RBM33: variants seen among roughly 807,000 people sequenced by gnomAD.
The protein encoded by RBM33 is RNA binding motif protein 33.
A neutral mutation model predicts 132.6 loss-of-function variants in RBM33; 28 were observed. The ratio of observed to expected loss-of-function variants is 0.21; its 90% CI spans 0.16 to 0.29. The LOEUF (loss-of-function observed/expected upper bound fraction) is 0.29. Ranked by LOEUF, RBM33 falls within the 10% of genes least tolerant of loss-of-function variation. The probability of loss-of-function intolerance (pLI) is 1.00; values close to 1 mark genes in which losing one functional copy is unlikely to be tolerated. For synonymous variants in RBM33, 634 were observed against 593.0 expected (o/e 1.07, Z -1.01); for missense variants, 1,291 against 1,518.5 (o/e 0.85, Z 2.49).
chr7:155,772,588 C>G (rs1021984017), intron 16 of RBM33, among the ~76,000 whole-genome samples: 2 of 152,208 alleles, frequency 1.3e-5, no homozygotes, highest in African/African-American at 4.8e-5. Context: ...TGGGGCTTTA[C>G]TTTTCCTGTT....
intron 14 of RBM33, among the ~76,000 whole-genome samples, chr7:155,747,072 GA>G (rs1161730444): frequency 6.6e-6 from 1 of 152,140 alleles, no homozygotes; most frequent in Non-Finnish European, 1.5e-5. Flanking sequence ...TGTGCTATAA[GA>G]AAATCTTTAT....
intron 1 of RBM33, chr7:155,645,323 G>C: frequency 5.6e-6 from 1 of 177,992 alleles, no homozygotes; most frequent in Non-Finnish European, 1.2e-5. Flanking sequence ...TAAGATTGTG[G>C]GGCCATCCTG....
At chr7:155,741,660 G>C (rs532871895) in intron 12 of RBM33, among the ~76,000 whole-genome samples, 159 bp from the exon 13 acceptor site, 12 of 152,254 alleles carry the variant, frequency 7.9e-5, no homozygotes, top group African/African-American at 2.9e-4. Flanking sequence ...TGACATTTAT[G>C]TATGAGAAAA....
intron 16 of RBM33, among the ~76,000 whole-genome samples, chr7:155,767,497 G>C (rs988368259): frequency 1.3e-5 from 2 of 152,196 alleles, no homozygotes; most frequent in African/African-American, 4.8e-5. Context: ...TAGCTTCATG[G>C]GTGGATTTGG....
chr7:155,768,870 C>T (rs71536010), intron 16 of RBM33, among the ~76,000 whole-genome samples: 15,318 of 152,238 alleles, frequency 0.1, 939 homozygotes, highest in East Asian at 0.28. Context: ...GCCTCAGCCT[C>T]CCAAAGTGCT....
intron 9 of RBM33, among the ~76,000 whole-genome samples, chr7:155,730,484 A>G (rs1260679665): frequency 6.6e-6 from 1 of 152,186 alleles, no homozygotes; most frequent in African/African-American, 2.4e-5. Context: ...TGTCCTAAGG[A>G]CTTTCCTGCC....
At chr7:155,704,843 C>T (rs1044442911) in intron 6 of RBM33, among the ~76,000 whole-genome samples, 11 of 151,966 alleles carry the variant, frequency 7.2e-5, no homozygotes, top group Non-Finnish European at 1.0e-4. Context: ...AGAGATTTCT[C>T]GGTAGTAACA....
At chr7:155,728,195 G>A (rs1800847733) in intron 9 of RBM33, among the ~76,000 whole-genome samples, 1 of 152,104 alleles carries the variant, frequency 6.6e-6, no homozygotes, top group Non-Finnish European at 1.5e-5. Flanking sequence ...GCGGGCATTT[G>A]TCATTTTGGA....
At chr7:155,691,536 A>G (rs1799641401) in intron 5 of RBM33, among the ~76,000 whole-genome samples, 1 of 151,938 alleles carries the variant, frequency 6.6e-6, no homozygotes, top group South Asian at 2.1e-4. Context: ...CTTCCCTGAT[A>G]CTCTATAATA....
chr7:155,669,984 C>T (rs750818364), intron 2 of RBM33, among the ~76,000 whole-genome samples: 3 of 152,128 alleles, frequency 2.0e-5, no homozygotes, highest in African/African-American at 4.8e-5. Flanking sequence ...GCAGGTAAGA[C>T]GGAGAGTGGA....
intron 14 of RBM33, among the ~76,000 whole-genome samples, chr7:155,755,067 A>G (rs987062944): frequency 6.6e-6 from 1 of 152,188 alleles, no homozygotes; most frequent in Non-Finnish European, 1.5e-5. Flanking sequence ...CCCTAAATGT[A>G]TTTATATTTA....
chr7:155,701,185 T>G lies in RBM33; in HGVS notation c.739+241T>G, dbSNP rs1353948600. The G allele has an allele frequency of 5.5e-6, 3 of 549,078 alleles. No individual in the cohort carries two copies. The East Asian group carries it at 8.8e-5, about 16-fold the overall frequency. The allele number at this position is 549,078 out of a possible 1,614,324, so 34.0% of individuals were successfully genotyped here. On this transcript the variant is annotated intron_variant, in intron 6 of 17. Transcript: ENST00000401878. ...AATGTTTAAGATAATTAAAAAAAAT[T>G]TTTTTTTGAGTCTGTGGCCTACAGC... is the stretch of plus-strand genomic sequence containing the variant.
chr7:155,745,326 G>A lies in RBM33; in HGVS notation c.2703G>A (p.Gln901=). ...TTGTACCATCCAGTGCCAACATGCA[G>A]TATCAAGGACAACAGATGAAAGCAC... The part of the protein sequence containing the change: ...SNFVPSSANM[Q]YQGQQMKALK... The change falls in exon 14 of 18, where the codon CAG becomes CAA. Residue 901 remains glutamine, a synonymous_variant. Transcript: ENST00000401878. This position sits in a 1 kb window ranked among gnomAD's most constrained non-coding sequence, Gnocchi z 4.1. The A allele has an allele frequency of 6.2e-7, 1 of 1,613,216 alleles. No individual in the cohort carries two copies. The highest frequency in any genetic ancestry group is 8.5e-7 in the Non-Finnish European group (1 of 1,179,502).
At chr7:155,736,350 A>G (rs1025840093) in intron 9 of RBM33, among the ~76,000 whole-genome samples, 1 of 152,268 alleles carries the variant, frequency 6.6e-6, no homozygotes, top group Non-Finnish European at 1.5e-5. Flanking sequence ...ACTCAGTTTC[A>G]AAGAACAAGG....
chr7:155,740,487 T>G (rs1801296286), intron 12 of RBM33, among the ~76,000 whole-genome samples: 1 of 152,250 alleles, frequency 6.6e-6, no homozygotes. Flanking sequence ...ACTCTAGTCC[T>G]GGAAATACAG....
chr7:155,730,542 G>A lies in RBM33; in HGVS notation c.1261-6988G>A, dbSNP rs77020134. ...CTGTTTTGTAGATGAGCAAACTGAG[G>A]CCCAGACAGATTCAGTCATGAGCTC... On this transcript the variant is annotated intron_variant, in intron 9 of 17. Coordinates refer to ENST00000401878, the MANE Select transcript of RBM33 (RefSeq NM_053043.3). Among the ~76,000 whole-genome samples the A allele has an allele frequency of 2.8e-3, 425 of 152,268 alleles. 2 individuals carry two copies. Among genetic ancestry groups the A allele is most frequent in the African/African-American group, 9.6e-3 (398 of 41,554 alleles).
chr7:155,683,110 A>G lies in RBM33; in HGVS notation c.567+2202A>G, dbSNP rs138696240. Among the ~76,000 whole-genome samples, 264 of 152,126 alleles carry G rather than the reference A, an allele frequency of 1.7e-3. 2 individuals are homozygous for G. The highest frequency in any genetic ancestry group is 5.9e-3 in the African/African-American group (247 of 41,524). On this transcript the variant is annotated intron_variant, in intron 5 of 17. Transcript: ENST00000401878. ...GTAGTTCAATGTCTTTCTGTGAGCA[A>G]TGTCAGTTCATCTTGATACATGTGT...
intron 5 of RBM33, among the ~76,000 whole-genome samples, chr7:155,700,097 T>C (rs1799914317): frequency 6.6e-6 from 1 of 152,208 alleles, no homozygotes; most frequent in Non-Finnish European, 1.5e-5. Context: ...GGGAAAATTT[T>C]TGTAGGGAAT....
Position 155,739,812 on chromosome 7 carries a change from CGCACCA to C in RBM33, c.1838_1843del (p.His613_Gln614del). On this transcript the variant is annotated inframe_deletion, in exon 12 of 18. Transcript: ENST00000401878. ...CAGCACCAGCCTCCGCACCAGCCCC[CGCACCA>C]GCCCCCGCCCCAGCACCAGCCCCCA... is the stretch of plus-strand genomic sequence containing the variant. 3.6e-5 allele frequency: 49 copies of C among 1,342,936 alleles called. No homozygotes were observed. Among genetic ancestry groups the C allele is most frequent in the African/African-American group, 5.9e-5 (4 of 67,318 alleles). The allele number at this position is 1,342,936 out of a possible 1,614,324, so 83.2% of individuals were successfully genotyped here. A position where few individuals can be genotyped will look rare whatever the true frequency, so the allele number is the denominator to read the frequency against.
Sources: allele counts gnomAD v4.1 joint callset (sites outside exome capture counted in the v4.1 genomes callset), GRCh38; gene constraint gnomAD v4.1.1; non-coding constraint Gnocchi (gnomAD v3.1); transcripts MANE v1.5; gene names NCBI Gene and HGNC (gene_info 2026-07-23, HGNC 2026-07-21).